Variants in IGBP1 observed in about 807,000 individuals in gnomAD.
The protein encoded by IGBP1 is immunoglobulin-binding protein 1.
A neutral mutation model predicts 25.9 loss-of-function variants in IGBP1; 2 were observed. The ratio of observed to expected loss-of-function variants is 0.08; its 90% CI spans 0.03 to 0.24. The LOEUF is 0.24. Ranked by LOEUF, IGBP1 falls within the 10% of genes least tolerant of loss-of-function variation. IGBP1 has a pLI of 1.00. For synonymous variants in IGBP1, 96 were observed against 93.4 expected, an observed-to-expected ratio of 1.03 and a Z score of -0.16; for missense variants, 187 against 260.4, an observed-to-expected ratio of 0.72 and a Z score of 1.94.
intron 6 of IGBP1, among the ~76,000 whole-genome samples, chrX:70,154,388 A>T (rs1193901040): frequency 9.2e-6 from 1 of 108,611 alleles, no homozygotes; most frequent in East Asian, 2.9e-4. Flanking sequence ...ACATAATTTT[A>T]ACTCTTAAGT....
chrX:70,134,197 G>A, intron 2 of IGBP1, 62 bp downstream of exon 2: 1 of 1,058,061 alleles, frequency 9.5e-7, no homozygotes. Flanking sequence ...CAAGGGTGGA[G>A]CCATTGCGCC....
At chrX:70,135,638 A>C (rs2085090634) in intron 3 of IGBP1, among the ~76,000 whole-genome samples, 1 of 111,716 alleles carries the variant, frequency 9.0e-6, no homozygotes, top group Non-Finnish European at 1.9e-5. Flanking sequence ...TAGCCGGCAG[A>C]GTATGTAAAG....
At chrX:70,164,579 T>TG (rs1444417742) in intron 6 of IGBP1, among the ~76,000 whole-genome samples, 2 of 112,260 alleles carry the variant, frequency 1.8e-5, no homozygotes, top group African/African-American at 3.2e-5. Flanking sequence ...GATAAAGCTG[T>TG]GATGAACTCT....
Position 70,134,515 on chromosome X carries a change from T to C in IGBP1, c.189-8T>C. The stretch of plus-strand genomic sequence containing the variant: ...TCAGGCTTCACTGCCTCCTTTTTGC[T>C]CTTCCAGCCGAAATGAAGATTTGGA... On this transcript the variant is annotated splice_polypyrimidine_tract_variant and splice_region_variant and intron_variant, in intron 2 of 6. Transcript: ENST00000356413. 4.1e-6 allele frequency: 5 copies of C among 1,209,505 alleles called. No individual in the cohort carries two copies. The highest frequency in any genetic ancestry group is 5.6e-6 in the Non-Finnish European group (5 of 894,604).
intron 3 of IGBP1, among the ~76,000 whole-genome samples, chrX:70,143,775 A>T (rs1433966536): frequency 8.9e-6 from 1 of 112,012 alleles, no homozygotes; most frequent in South Asian, 3.7e-4. Flanking sequence ...ACCAAGGTAA[A>T]TTTTACTTGT....
In IGBP1 at chrX:70,165,891, T is replaced by C. The variant is rs746515046; in HGVS notation, c.930T>C (p.Asp310=). Residue 310 remains aspartate, a synonymous_variant, in exon 7 of 7, where the codon GAT becomes GAC. Coordinates refer to ENST00000356413, the MANE Select transcript of IGBP1 (RefSeq NM_001551.3). ...AACAAGAAGAAAAGGAGGAAGAGGA[T>C]GATGAACAAACACTCCACAGAGCCC... ...QEEQEEKEEE[D]DEQTLHRARE... is the part of the protein sequence containing the mutation. 1.7e-6 allele frequency: 2 copies of C among 1,208,626 alleles called. No individual in the cohort carries two copies. The highest frequency in any genetic ancestry group is 4.4e-5 in the Admixed American group (2 of 45,918).
chrX:70,152,237 T>C (rs1273645231), intron 6 of IGBP1, among the ~76,000 whole-genome samples: 1 of 111,420 alleles, frequency 9.0e-6, no homozygotes, highest in Non-Finnish European at 1.9e-5. Flanking sequence ...TGGCTGACTA[T>C]GCATGCACAG....
chrX:70,155,521 A>G (rs1462473882), intron 6 of IGBP1, among the ~76,000 whole-genome samples: 5 of 107,421 alleles, frequency 4.7e-5, no homozygotes, highest in Non-Finnish European at 7.7e-5. Context: ...AAAAAGATAT[A>G]TAGGTTGAGC....
At chrX:70,137,751 CAAAAA>C (rs752550128) in intron 3 of IGBP1, among the ~76,000 whole-genome samples, 1 of 21,735 alleles carries the variant, frequency 4.6e-5, no homozygotes, top group Non-Finnish European at 9.3e-5. Flanking sequence ...AATAATTATA[CAAAAA>C]AAAAAAAAAA....
chrX:70,148,483 G>A (rs1362398819), intron 4 of IGBP1: 2 of 318,653 alleles, frequency 6.3e-6, no homozygotes, highest in East Asian at 1.3e-4. Flanking sequence ...CTCCTTCTTT[G>A]GACAGGGTAT....
chrX:70,133,471 T>G lies in IGBP1; in HGVS notation c.-295T>G. On this transcript the variant is annotated 5_prime_UTR_variant, in exon 1 of 7. Transcript: ENST00000356413. ...TGCACTTCGCGCTCAAGCGACCGGATCTTCAAACCGTGGGAGTGGTGCGGC... is the reference window on the plus strand; with the variant it reads ...TGCACTTCGCGCTCAAGCGACCGGAGCTTCAAACCGTGGGAGTGGTGCGGC... 1 of 248,970 alleles carries G rather than the reference T, an allele frequency of 4.0e-6. No individual in the cohort carries two copies. The allele number at this position is 248,970 out of a possible 1,213,427, so 20.5% of individuals were successfully genotyped here.
chrX:70,154,303 A>T (rs1224347705), intron 6 of IGBP1, among the ~76,000 whole-genome samples: 2 of 105,697 alleles, frequency 1.9e-5, no homozygotes, highest in African/African-American at 6.9e-5. Context: ...CGATCTCCTG[A>T]CCTTGTGATC....
At chrX:70,135,010 C>T (rs2085086671) in intron 3 of IGBP1, among the ~76,000 whole-genome samples, 194 bp downstream of exon 3, 1 of 112,540 alleles carries the variant, frequency 8.9e-6, no homozygotes, top group African/African-American at 3.2e-5. Flanking sequence ...ATTATACCTA[C>T]TTATCAGACC....
chrX:70,146,732 T>A lies in IGBP1; in HGVS notation c.582T>A (p.Leu194=). 1 of 1,204,360 alleles carries A rather than the reference T, an allele frequency of 8.3e-7. No homozygotes were observed. The highest frequency in any genetic ancestry group is 1.1e-6 in the Non-Finnish European group (1 of 889,423). ...ATGAGCGTGTTCGTGAATATTATCT[T>A]CTTCACCTTCAGAGGTGGATTGATA... ...ADDERVREYY[L]LHLQRWIDIS... is the part of the protein sequence containing the mutation. Residue 194 remains leucine, a synonymous_variant, in exon 4 of 7, where the codon CTT becomes CTA. Coordinates refer to ENST00000356413, the MANE Select transcript of IGBP1 (RefSeq NM_001551.3).
At chrX:70,136,228 C>T (rs2085093989) in intron 3 of IGBP1, among the ~76,000 whole-genome samples, 1 of 111,233 alleles carries the variant, frequency 9.0e-6, no homozygotes, top group African/African-American at 3.3e-5. Context: ...ACAGATGGTC[C>T]CCGATTTGCG....
chrX:70,157,719 T>C (rs188060016), intron 6 of IGBP1, among the ~76,000 whole-genome samples: 67 of 111,922 alleles, frequency 6.0e-4, no homozygotes, highest in Non-Finnish European at 1.2e-3. Flanking sequence ...GTGATACTTG[T>C]GTGTGCTGGT....
At chrX:70,160,286 T>A (rs1209957109) in intron 6 of IGBP1, among the ~76,000 whole-genome samples, 1 of 111,004 alleles carries the variant, frequency 9.0e-6, no homozygotes, top group Non-Finnish European at 1.9e-5. Context: ...GGACCCAGAA[T>A]GACCAACAAG....
intron 3 of IGBP1, among the ~76,000 whole-genome samples, chrX:70,142,606 G>T (rs1489536432): frequency 9.1e-6 from 1 of 109,962 alleles, no homozygotes; most frequent in Non-Finnish European, 1.9e-5. Flanking sequence ...GTCATTTGAG[G>T]CAGGAGTTCA....
intron 6 of IGBP1, among the ~76,000 whole-genome samples, chrX:70,151,704 C>T (rs746105060): frequency 9.0e-6 from 1 of 110,529 alleles, no homozygotes; most frequent in Non-Finnish European, 1.9e-5. Flanking sequence ...ATGGCGAAAC[C>T]CCGTCGCTAC....
Sources: allele counts gnomAD v4.1 joint callset (sites outside exome capture counted in the v4.1 genomes callset), GRCh38; gene constraint gnomAD v4.1.1; transcripts MANE v1.5; gene names NCBI Gene and HGNC (gene_info 2026-07-23, HGNC 2026-07-21).